MYO1E: variants seen among roughly 807,000 people sequenced by gnomAD.
MYO1E encodes myosin IE.
In MYO1E, 68 loss-of-function variants were observed where a neutral mutation model predicts 151.1. The observed-to-expected ratio is 0.45, with a 90% CI of 0.37 to 0.55. The LOEUF is 0.55. MYO1E is among the 20% of genes least tolerant of loss of function. The probability of loss-of-function intolerance (pLI) is 0.00; values close to 1 mark genes in which losing one functional copy is unlikely to be tolerated. For missense variants in MYO1E, 1,363 were observed against 1,389.3 expected (o/e 0.98, Z 0.30); for synonymous variants, 601 against 501.7 (o/e 1.20, Z -2.64).
chr15:59,316,213 T>C (rs1001964804), intron 1 of MYO1E, among the ~76,000 whole-genome samples: 4 of 152,252 alleles, frequency 2.6e-5, no homozygotes, highest in African/African-American at 9.6e-5. Context: ...ATGGCTAATC[T>C]AACCTGTCAC....
intron 14 of MYO1E, chr15:59,207,973 G>A (rs1470787030): frequency 2.5e-6 from 4 of 1,614,016 alleles, no homozygotes; most frequent in Admixed American, 3.3e-5. Context: ...TTGTATCCTG[G>A]GAGAGAACGG....
chr15:59,268,326 C>G (rs12595001), intron 2 of MYO1E, among the ~76,000 whole-genome samples: 28,206 of 152,118 alleles, frequency 0.19, 3,019 homozygotes, highest in East Asian at 0.49. Flanking sequence ...CCCATATATT[C>G]AGTGGGTAGA....
At chr15:59,236,760 A>G (rs2080069363) in intron 4 of MYO1E, 88 bp from the exon 5 acceptor site, 1 of 1,249,208 alleles carries the variant, frequency 8.0e-7, no homozygotes, top group African/African-American at 1.5e-5. Flanking sequence ...AAACAAACAA[A>G]CAAACAAAAA....
At chr15:59,277,590 T>C (rs1361551070) in intron 1 of MYO1E, among the ~76,000 whole-genome samples, 2 of 120,196 alleles carry the variant, frequency 1.7e-5, no homozygotes, top group African/African-American at 5.6e-5. Context: ...AGCCTCATCC[T>C]CTTTGAGCCA....
At chr15:59,338,616 C>A (rs1358330162) in intron 1 of MYO1E, among the ~76,000 whole-genome samples, 1 of 152,152 alleles carries the variant, frequency 6.6e-6, no homozygotes, top group Non-Finnish European at 1.5e-5. Flanking sequence ...TCCAACCACC[C>A]TGCTAAGCTG....
At chr15:59,357,480 A>G (rs2080861392) in intron 1 of MYO1E, among the ~76,000 whole-genome samples, 1 of 148,242 alleles carries the variant, frequency 6.7e-6, no homozygotes, top group African/African-American at 2.5e-5. Context: ...GCTGGAGAGC[A>G]GTGGTGCAAT....
At chr15:59,259,960 C>T (rs1411724567) in intron 3 of MYO1E, among the ~76,000 whole-genome samples, 2 of 152,182 alleles carry the variant, frequency 1.3e-5, no homozygotes, top group African/African-American at 4.8e-5. Flanking sequence ...GATGTTATGA[C>T]ACAGCCAGCA....
Position 59,208,612 on chromosome 15 carries a change from T to A in MYO1E, c.1530+69A>T, listed in dbSNP as rs143211336. 3.1e-4 allele frequency: 492 copies of A among 1,572,198 alleles called. 1 individual carries two copies. Among genetic ancestry groups the A allele is most frequent in the South Asian group, 1.3e-3 (113 of 89,974 alleles). ...AATACGGCGAGCCATATGATTTGCT[T>A]CATGAGAAACCAGATCACAAACCCA... is the stretch of plus-strand genomic sequence containing the variant. On this transcript the variant is annotated intron_variant, in intron 14 of 27. Transcript: ENST00000288235.
At chr15:59,231,833 C>A (rs1332044323) in intron 5 of MYO1E, 42 bp from the exon 6 acceptor site, 5 of 1,598,928 alleles carry the variant, frequency 3.1e-6, no homozygotes, top group Non-Finnish European at 4.3e-6. Flanking sequence ...GGTGTGAACA[C>A]CTACCACACA....
At chr15:59,272,808 T>C (rs8038892) in intron 1 of MYO1E, among the ~76,000 whole-genome samples, 147,436 of 152,334 alleles carry the variant, frequency 0.97, 71,513 homozygotes, top group Non-Finnish European at 1. Flanking sequence ...AACACACGGT[T>C]GACAGTCTCG....
At chr15:59,315,841 T>C (rs1222660287) in intron 1 of MYO1E, among the ~76,000 whole-genome samples, 1 of 152,230 alleles carries the variant, frequency 6.6e-6, no homozygotes, top group Non-Finnish European at 1.5e-5. Flanking sequence ...GATTGGTGTT[T>C]ATATTTGTCT....
At chr15:59,200,117 G>T (rs931759426) in intron 16 of MYO1E, among the ~76,000 whole-genome samples, 1 of 152,068 alleles carries the variant, frequency 6.6e-6, no homozygotes, top group African/African-American at 2.4e-5. Context: ...ACAAGCATAC[G>T]AAGGAAAGAA....
rs1285841837 is a variant in MYO1E, at chr15:59,272,356, T to C, written c.97A>G (p.Asn33Asp). Reference sequence around the variant, plus strand: ...TTCTTCAGATTCTCCACGATGGAGTTCTCTGTGATCTTGGACAGTAGCACC... The same window carrying C: ...TTCTTCAGATTCTCCACGATGGAGTCCTCTGTGATCTTGGACAGTAGCACC... ...DMVLLSKITE[N>D]SIVENLKKRY... Residue 33 changes from asparagine to aspartate, a missense_variant, in exon 2 of 28, where the codon AAC becomes GAC. Physicochemically the swap from Asn to Asp is conservative, Grantham distance 23. Coordinates refer to ENST00000288235, the MANE Select transcript of MYO1E (RefSeq NM_004998.4). 4 of 1,613,996 alleles carry C rather than the reference T, an allele frequency of 2.5e-6. No individual in the cohort carries two copies. In the African/African-American group the frequency reaches 5.3e-5, roughly 22 times the overall value.
chr15:59,303,379 C>T (rs1433883802), intron 1 of MYO1E, among the ~76,000 whole-genome samples: 1 of 151,836 alleles, frequency 6.6e-6, no homozygotes, highest in Non-Finnish European at 1.5e-5. Flanking sequence ...GTGCCATAGT[C>T]CTTCAGCCTG....
intron 4 of MYO1E, among the ~76,000 whole-genome samples, chr15:59,254,294 C>G (rs1186945453): frequency 1.4e-4 from 21 of 152,092 alleles, no homozygotes; most frequent in Non-Finnish European, 1.5e-5. Context: ...CTCAAGCGAT[C>G]TCCCTGCCTC....
At chr15:59,313,796 AG>A (rs1309588632) in intron 1 of MYO1E, among the ~76,000 whole-genome samples, 1 of 152,194 alleles carries the variant, frequency 6.6e-6, no homozygotes, top group African/African-American at 2.4e-5. Flanking sequence ...GGAGAGAGGG[AG>A]GGGGAAGTTC....
In MYO1E at chr15:59,135,736, T is replaced by C. The variant is rs1421616289; in HGVS notation, c.*1644A>G. On this transcript the variant is annotated 3_prime_UTR_variant, in exon 28 of 28. Transcript: ENST00000288235. Reference sequence around the variant, plus strand: ...CGTAAGCCCTGATAATTTTTTCCCATGGACTTGAGGATCCTGAAAGCCTCA... The same window carrying C: ...CGTAAGCCCTGATAATTTTTTCCCACGGACTTGAGGATCCTGAAAGCCTCA... 6.6e-6 allele frequency: 1 copy of C among 152,180 alleles called. No individual in the cohort carries two copies. Among genetic ancestry groups the C allele is most frequent in the Admixed American group, 6.5e-5 (1 of 15,272 alleles). The allele number at this position is 152,180 out of a possible 1,614,324, so 9.4% of individuals were successfully genotyped here. A position where few individuals can be genotyped will look rare whatever the true frequency, so the allele number is the denominator to read the frequency against.
intron 1 of MYO1E, among the ~76,000 whole-genome samples, chr15:59,362,866 C>A (rs528055948): frequency 1.3e-5 from 2 of 151,870 alleles, no homozygotes; most frequent in Non-Finnish European, 2.9e-5. Context: ...TTGTTGTATT[C>A]TGTAATGTAT....
intron 1 of MYO1E, among the ~76,000 whole-genome samples, chr15:59,279,949 T>C (rs2080343399): frequency 6.6e-6 from 1 of 152,234 alleles, no homozygotes; most frequent in African/African-American, 2.4e-5. Flanking sequence ...ATATAAAATA[T>C]ACACACACAG....
Sources: gnomAD v4.1 joint callset for allele counts (sites outside exome capture counted in the v4.1 genomes callset) on GRCh38, gnomAD v4.1.1 for gene constraint, MANE v1.5 for transcripts, NCBI Gene and HGNC (gene_info 2026-07-23, HGNC 2026-07-21) for gene names.